Variants in TRHR observed in about 807,000 individuals in gnomAD.
TRHR encodes the protein thyrotropin releasing hormone receptor.
A neutral mutation model predicts 28.0 loss-of-function variants in TRHR; 14 were observed. That is an observed-to-expected ratio of 0.50 (90% CI 0.33 to 0.78). TRHR has a LOEUF of 0.78. Ranked by LOEUF, TRHR falls within the 30% of genes least tolerant of loss-of-function variation. The pLI is 0.02. For synonymous variants in TRHR, 176 were observed against 171.9 expected (o/e 1.02, Z -0.18); for missense variants, 438 against 469.5 (o/e 0.93, Z 0.62).
chr8:109,097,007 C>T (rs1811604168), intron 2 of TRHR, among the ~76,000 whole-genome samples: 1 of 152,228 alleles, frequency 6.6e-6, no homozygotes, highest in East Asian at 1.9e-4. Context: ...AAAAGTGCAA[C>T]TTGCCAGTAC....
At position 109,120,003 on chromosome 8, in the gene TRHR, T is replaced by A. The variant is rs1376581515; in HGVS notation, c.*548T>A. 1.3e-5 allele frequency among the ~76,000 whole-genome samples: 2 copies of A among 151,952 alleles called. No homozygotes were observed. Among genetic ancestry groups the A allele is most frequent in the African/African-American group, 4.8e-5 (2 of 41,436 alleles). The stretch of plus-strand genomic sequence containing the variant: ...AGATTTTAGACATACATGTTAACTG[T>A]ATTTTAAAAGTTGCCATAATGTTTA... On this transcript the variant is annotated 3_prime_UTR_variant, in exon 3 of 3. Coordinates refer to ENST00000518632, the MANE Select transcript of TRHR (RefSeq NM_003301.7).
chr8:109,108,529 A>C (rs1811784903), intron 2 of TRHR, among the ~76,000 whole-genome samples: 1 of 152,190 alleles, frequency 6.6e-6, no homozygotes, highest in Admixed American at 6.5e-5. Context: ...AACTAGTTCC[A>C]AATGAAAATA....
intron 2 of TRHR, among the ~76,000 whole-genome samples, chr8:109,112,786 C>T (rs1310212072): frequency 2.0e-5 from 3 of 152,082 alleles, no homozygotes; most frequent in African/African-American, 4.8e-5. Context: ...CTCAGAAAAC[C>T]TTGGTTGGGT....
At chr8:109,117,661 AGAT>A (rs1811940290) in intron 2 of TRHR, among the ~76,000 whole-genome samples, 1 of 151,834 alleles carries the variant, frequency 6.6e-6, no homozygotes, top group Non-Finnish European at 1.5e-5. Context: ...ATGACAATGA[AGAT>A]GATAATCACT....
chr8:109,109,408 A>G (rs1811795841), intron 2 of TRHR, among the ~76,000 whole-genome samples: 1 of 152,104 alleles, frequency 6.6e-6, no homozygotes, highest in Non-Finnish European at 1.5e-5. Flanking sequence ...TCTAAAATGC[A>G]GATAAAAAGT....
chr8:109,105,545 T>C (rs781052719), intron 2 of TRHR, among the ~76,000 whole-genome samples: 66 of 152,108 alleles, frequency 4.3e-4, no homozygotes, highest in Non-Finnish European at 8.5e-4. Context: ...GCTATCTTTC[T>C]AAGGAGAAAT....
rs192669203 is a variant in TRHR at position 109,112,244 on chromosome 8, C to T, written c.790-6804C>T. Among the ~76,000 whole-genome samples the T allele has an allele frequency of 2.0e-3, 298 of 152,218 alleles. 5 individuals are homozygous for T. Among genetic ancestry groups the T allele is most frequent in the Admixed American group, 0.018 (279 of 15,272 alleles). On this transcript the variant is annotated intron_variant, in intron 2 of 2. Coordinates refer to ENST00000518632, the MANE Select transcript of TRHR (RefSeq NM_003301.7). ...CAAGACCCATGAGCATGCACAGAAC[C>T]TTTTCTGAATCATATATAGAATCAA...
At chr8:109,095,432 A>C (rs908590015) in intron 2 of TRHR, among the ~76,000 whole-genome samples, 3 of 152,204 alleles carry the variant, frequency 2.0e-5, no homozygotes, top group Non-Finnish European at 4.4e-5. Flanking sequence ...AGATGGGAGA[A>C]GACTGGGCAC....
intron 2 of TRHR, among the ~76,000 whole-genome samples, chr8:109,108,330 T>C (rs1323925071): frequency 6.6e-6 from 1 of 152,172 alleles, no homozygotes; most frequent in Non-Finnish European, 1.5e-5. Context: ...CCCTACTGGG[T>C]AAGCAGCTGA....
chr8:109,110,179 CT>C (rs1057475703), intron 2 of TRHR, among the ~76,000 whole-genome samples: 1 of 152,108 alleles, frequency 6.6e-6, no homozygotes, highest in African/African-American at 2.4e-5. Context: ...GAATAAAAAA[CT>C]TTTTTTCCCC....
At chr8:109,111,396 A>G (rs1170781240) in intron 2 of TRHR, among the ~76,000 whole-genome samples, 1 of 152,176 alleles carries the variant, frequency 6.6e-6, no homozygotes, top group Admixed American at 6.5e-5. Flanking sequence ...TAATATTCCC[A>G]GTTACAGGAC....
intron 2 of TRHR, among the ~76,000 whole-genome samples, chr8:109,099,984 AGT>A (rs1193188943): frequency 6.6e-6 from 1 of 152,160 alleles, no homozygotes; most frequent in African/African-American, 2.4e-5. Flanking sequence ...CAATTGTGAG[AGT>A]GAGAGAGGAC....
chr8:109,088,137 G>A lies in TRHR; in HGVS notation c.625G>A (p.Val209Ile), dbSNP rs768515704. 30 of 1,614,006 alleles carry A rather than the reference G, an allele frequency of 1.9e-5. No homozygotes were observed. The highest frequency in any genetic ancestry group is 1.6e-4 in the Middle Eastern group (1 of 6,084). The part of the protein sequence containing the change: ...FYVVPMILAT[V>I]LYGFIARILF... Reference sequence around the variant, plus strand: ...TGTTGTGCCAATGATCCTGGCTACCGTCCTCTATGGATTCATAGCTAGAAT... The same window carrying A: ...TGTTGTGCCAATGATCCTGGCTACCATCCTCTATGGATTCATAGCTAGAAT... Residue 209 changes from valine to isoleucine, a missense_variant, in exon 2 of 3, where the codon GTC (valine) becomes ATC (isoleucine). By Grantham distance (29) the Val-to-Ile change is conservative (BLOSUM62 3). Transcript: ENST00000518632.
At chr8:109,110,998 A>G (rs371877396) in intron 2 of TRHR, among the ~76,000 whole-genome samples, 9 of 152,288 alleles carry the variant, frequency 5.9e-5, no homozygotes, top group African/African-American at 2.2e-4. Context: ...TCTACAAAAT[A>G]CAAAAATTAG....
intron 2 of TRHR, among the ~76,000 whole-genome samples, chr8:109,112,371 G>A (rs1464793833): frequency 6.6e-6 from 1 of 152,094 alleles, no homozygotes; most frequent in Non-Finnish European, 1.5e-5. Flanking sequence ...AAACTAATAA[G>A]CTAATCTCTG....
chr8:109,118,535 A>G (rs1398398936), intron 2 of TRHR, among the ~76,000 whole-genome samples: 3 of 151,780 alleles, frequency 2.0e-5, no homozygotes, highest in African/African-American at 4.8e-5. Context: ...ACATTCTCTT[A>G]CAAGACTCTG....
intron 2 of TRHR, among the ~76,000 whole-genome samples, chr8:109,096,860 G>A (rs112563277): frequency 4.6e-5 from 7 of 151,680 alleles, no homozygotes; most frequent in Non-Finnish European, 7.4e-5. Flanking sequence ...TCATTCGTAC[G>A]GACTTAGGGT....
In TRHR at chr8:109,115,714, G is replaced by A. The variant is rs531133010; in HGVS notation, c.790-3334G>A. On this transcript the variant is annotated intron_variant, in intron 2 of 2. Transcript: ENST00000518632. ...GCTTCAGGAGATTTTGGGCTGAGAC[G>A]ATGGGGTTTTCTAAATATACAATCA... Among the ~76,000 whole-genome samples the A allele has an allele frequency of 2.0e-3, 299 of 152,220 alleles. 1 individual carries two copies. The highest frequency in any genetic ancestry group is 6.7e-3 in the African/African-American group (279 of 41,538).
chr8:109,092,214 A>G (rs997869006), intron 2 of TRHR, among the ~76,000 whole-genome samples: 1 of 152,032 alleles, frequency 6.6e-6, no homozygotes, highest in Non-Finnish European at 1.5e-5. Flanking sequence ...CTTAATTCTT[A>G]CACAATAACA....
Sources: allele counts gnomAD v4.1 joint callset (sites outside exome capture counted in the v4.1 genomes callset), GRCh38; gene constraint gnomAD v4.1.1; transcripts MANE v1.5; gene names NCBI Gene and HGNC (gene_info 2026-07-23, HGNC 2026-07-21).